Variants in R3HDM1 observed in about 807,000 individuals in gnomAD.
R3HDM1 encodes R3H domain containing 1.
R3HDM1 carries 46 observed loss-of-function variants against 141.1 expected under a neutral mutation model. The observed-to-expected ratio is 0.33, with a 90% CI of 0.26 to 0.42. The LOEUF is 0.42. Among genes scored for constraint, R3HDM1 ranks in the 10% least tolerant of loss-of-function variants. The pLI, the probability that R3HDM1 is intolerant of heterozygous loss-of-function variation, is 1.00. For synonymous variants in R3HDM1, 435 were observed against 472.9 expected (o/e 0.92, Z 1.04); for missense variants, 1,184 against 1,368.3 (o/e 0.87, Z 2.12).
intron 24 of R3HDM1, among the ~76,000 whole-genome samples, chr2:135,719,907 A>G (rs1042903519): frequency 5.3e-5 from 8 of 151,166 alleles, no homozygotes; most frequent in African/African-American, 1.9e-4. Context: ...GTGCAATGGC[A>G]TGATCTTGGC....
At chr2:135,620,160 G>A (rs2061405733) in intron 5 of R3HDM1, 1 of 280,606 alleles carries the variant, frequency 3.6e-6, no homozygotes, top group Non-Finnish European at 5.4e-6. Context: ...TACTGGAAGT[G>A]CCTTTTAGTG....
chr2:135,580,656 T>G (rs540739227), intron 1 of R3HDM1, among the ~76,000 whole-genome samples: 1 of 152,312 alleles, frequency 6.6e-6, no homozygotes, highest in Admixed American at 6.5e-5. Flanking sequence ...AAGTCCCAGC[T>G]CTTAAACTTC....
intron 1 of R3HDM1, among the ~76,000 whole-genome samples, chr2:135,554,238 C>G (rs996761965): frequency 2.0e-5 from 3 of 152,156 alleles, no homozygotes; most frequent in Admixed American, 6.5e-5. Context: ...TTTGCCTATT[C>G]TGGACATTTC....
chr2:135,629,925 TC>T (rs1212916951), intron 7 of R3HDM1, among the ~76,000 whole-genome samples: 1 of 152,014 alleles, frequency 6.6e-6, no homozygotes, highest in Non-Finnish European at 1.5e-5. Flanking sequence ...GACAATATAC[TC>T]CTGCTGTAGT....
chr2:135,541,868 AAAAG>A lies in R3HDM1; in HGVS notation c.-250+10249_-250+10252del, dbSNP rs1553518082. Among the ~76,000 whole-genome samples, 428 of 143,928 alleles carry A rather than the reference AAAAG, an allele frequency of 3.0e-3. 2 individuals carry two copies. The highest frequency in any genetic ancestry group is 5.6e-3 in the African/African-American group (204 of 36,486). The allele number at this position is 143,928 out of a possible 152,430, so 94.4% of individuals were successfully genotyped here. A position where few individuals can be genotyped will look rare whatever the true frequency, so the allele number is the denominator to read the frequency against. The stretch of plus-strand genomic sequence containing the variant: ...CAATTTGTTAAAAAAAAAAAAAAAA[AAAAG>A]AAAGAAAGAAAGAGAAAAGCAATGT... On this transcript the variant is annotated intron_variant, in intron 1 of 26. Transcript: ENST00000683871.
At chr2:135,667,408 C>CT (rs1217199157) in intron 19 of R3HDM1, among the ~76,000 whole-genome samples, 1 of 140,666 alleles carries the variant, frequency 7.1e-6, no homozygotes, top group Non-Finnish European at 1.5e-5. Context: ...AAAAAAAAAT[C>CT]TATGTTGAGA....
intron 20 of R3HDM1, among the ~76,000 whole-genome samples, chr2:135,678,225 A>G (rs1182770466): frequency 6.6e-6 from 1 of 151,856 alleles, no homozygotes; most frequent in Non-Finnish European, 1.5e-5. Flanking sequence ...TGGCCTCCCA[A>G]AGTGCTGGGA....
chr2:135,694,699 T>C (rs1252200739), intron 21 of R3HDM1, among the ~76,000 whole-genome samples: 1 of 152,080 alleles, frequency 6.6e-6, no homozygotes, highest in South Asian at 2.1e-4. Flanking sequence ...AGTTAGGAGA[T>C]GGAGTTGGGA....
rs2105477255 is a variant in R3HDM1, at chr2:135,724,419, T to G, written c.*127T>G. ...GATGTGTGTTCATGGCATTATAGCTTTTGAAGAAAGGCCAGTGATCCAGCA... is the reference window on the plus strand; with the variant it reads ...GATGTGTGTTCATGGCATTATAGCTGTTGAAGAAAGGCCAGTGATCCAGCA... On this transcript the variant is annotated 3_prime_UTR_variant, in exon 27 of 27. Transcript: ENST00000683871. The G allele has an allele frequency of 5.5e-6, 4 of 723,350 alleles. No individual in the cohort carries two copies. The South Asian group carries it at 9.4e-5, about 17-fold the overall frequency. 44.8% of individuals were successfully genotyped at this position (723,350 alleles called of 1,614,324 possible). A position where few individuals can be genotyped will look rare whatever the true frequency, so the allele number is the denominator to read the frequency against.
chr2:135,641,802 GA>G lies in R3HDM1; in HGVS notation c.1474+17del, dbSNP rs1216948951. 1.9e-6 allele frequency: 3 copies of G among 1,578,028 alleles called. No individual in the cohort carries two copies. Among genetic ancestry groups the G allele is most frequent in the African/African-American group, 2.7e-5 (2 of 73,222 alleles). On this transcript the variant is annotated intron_variant, in intron 15 of 26. Coordinates refer to ENST00000683871, the MANE Select transcript of R3HDM1 (RefSeq NM_001378107.1). Reference sequence around the variant, plus strand: ...CAACCCACAAACAGGTTGGTATCCAGAAAAAGGTGTTTCAGGAATTATCTGA... The same window carrying G: ...CAACCCACAAACAGGTTGGTATCCAGAAAAGGTGTTTCAGGAATTATCTGA...
chr2:135,641,826 T>G, intron 15 of R3HDM1, 36 bp downstream of exon 15: 1 of 1,545,000 alleles, frequency 6.5e-7, no homozygotes. Flanking sequence ...AGGAATTATC[T>G]GAAAATTTAA....
intron 1 of R3HDM1, among the ~76,000 whole-genome samples, chr2:135,594,087 C>T (rs1709999325): frequency 6.6e-6 from 1 of 152,232 alleles, no homozygotes; most frequent in African/African-American, 2.4e-5. Flanking sequence ...CATTCACCCG[C>T]TTCTGTGGTG....
intron 9 of R3HDM1, chr2:135,633,637 A>G (rs948478020): frequency 2.0e-5 from 3 of 152,190 alleles, no homozygotes; most frequent in Non-Finnish European, 4.4e-5. Flanking sequence ...GTTGTAAATC[A>G]GAAAACCTTA....
chr2:135,579,018 T>G (rs1489111449), intron 1 of R3HDM1, among the ~76,000 whole-genome samples: 1 of 152,184 alleles, frequency 6.6e-6, no homozygotes, highest in Non-Finnish European at 1.5e-5. Context: ...ATACACATAT[T>G]CCCGAGCTCT....
intron 1 of R3HDM1, among the ~76,000 whole-genome samples, chr2:135,532,688 G>T (rs913987474): frequency 1.2e-4 from 18 of 152,120 alleles, no homozygotes; most frequent in Admixed American, 2.6e-4. Flanking sequence ...CAAACTGAAA[G>T]TCTACCCATT....
intron 20 of R3HDM1, among the ~76,000 whole-genome samples, chr2:135,679,432 C>T (rs1288462275): frequency 6.6e-6 from 1 of 152,126 alleles, no homozygotes; most frequent in Admixed American, 6.6e-5. Flanking sequence ...TCAGAATAGT[C>T]ACTTGCCCAA....
chr2:135,665,389 C>T (rs766881204), intron 19 of R3HDM1: 28 of 528,018 alleles, frequency 5.3e-5, no homozygotes, highest in Non-Finnish European at 9.0e-5. Context: ...AATAATTGGC[C>T]TTGTTCCTGA....
intron 21 of R3HDM1, among the ~76,000 whole-genome samples, chr2:135,702,040 A>G (rs2074261873): frequency 6.6e-6 from 1 of 152,252 alleles, no homozygotes; most frequent in South Asian, 2.1e-4. Flanking sequence ...AAACATTTTC[A>G]TCACCCTCAG....
chr2:135,655,632 G>A (rs577412275), intron 18 of R3HDM1, among the ~76,000 whole-genome samples: 1 of 151,802 alleles, frequency 6.6e-6, no homozygotes, highest in African/African-American at 2.4e-5. Context: ...TCAGCCTCCC[G>A]AGTAGCTGGG....
Sources: allele counts gnomAD v4.1 joint callset (sites outside exome capture counted in the v4.1 genomes callset), GRCh38; gene constraint gnomAD v4.1.1; transcripts MANE v1.5; gene names NCBI Gene and HGNC (gene_info 2026-07-23, HGNC 2026-07-21).